NRG3: variants seen among roughly 807,000 people sequenced by gnomAD.
NRG3 encodes the protein neuregulin 3.
A neutral mutation model predicts 66.9 loss-of-function variants in NRG3; 31 were observed. The observed-to-expected ratio is 0.46, with a 90% CI of 0.35 to 0.63. The LOEUF is 0.63. Among genes scored for constraint, NRG3 ranks in the 20% least tolerant of loss-of-function variants. NRG3 has a pLI of 0.00. For missense variants in NRG3, 910 were observed against 878.9 expected (o/e 1.04, Z -0.45); for synonymous variants, 393 against 359.4 (o/e 1.09, Z -1.06).
In NRG3 at chr10:82,712,423, G is replaced by A. The variant is rs1411087353; in HGVS notation, c.954-26154G>A. 3.9e-5 allele frequency among the ~76,000 whole-genome samples: 6 copies of A among 152,246 alleles called. No individual in the cohort carries two copies. The East Asian group carries it at 9.7e-4, about 24-fold the overall frequency. ...TTTCACATTATGTAATAGTTACATA[G>A]GGCTGTGAATCTCAAACCTTCGGGT... On this transcript the variant is annotated intron_variant, in intron 2 of 8. Transcript: ENST00000372141.
intron 6 of NRG3, among the ~76,000 whole-genome samples, chr10:82,962,784 A>T (rs1051240847): frequency 3.9e-5 from 6 of 152,226 alleles, no homozygotes; most frequent in Admixed American, 3.3e-4. Flanking sequence ...GGTTGCAGTG[A>T]CCCGATACCA....
At chr10:82,471,624 T>C (rs573451904) in intron 2 of NRG3, among the ~76,000 whole-genome samples, 3 of 152,092 alleles carry the variant, frequency 2.0e-5, no homozygotes, top group Non-Finnish European at 4.4e-5. Flanking sequence ...GTAATCAAGG[T>C]TTGCGACTGG....
chr10:82,341,057 A>G (rs184960473), intron 1 of NRG3, among the ~76,000 whole-genome samples: 29 of 152,312 alleles, frequency 1.9e-4, no homozygotes, highest in Admixed American at 9.8e-4. Context: ...TGTTGTGATT[A>G]TTATGCATTG....
Position 82,479,123 on chromosome 10 carries a change from C to CAG in NRG3, c.953+120256_953+120257dup, listed in dbSNP as rs151117305. 4.4e-3 allele frequency among the ~76,000 whole-genome samples: 667 copies of CAG among 152,090 alleles called. 5 individuals are homozygous for CAG. Among genetic ancestry groups the CAG allele is most frequent in the African/African-American group, 0.016 (644 of 41,476 alleles). On this transcript the variant is annotated intron_variant, in intron 2 of 8. Coordinates refer to ENST00000372141, the MANE Select transcript of NRG3 (RefSeq NM_001010848.4). ...TTGAAATTAATAGGAGGTGATGTGA[C>CAG]AGTGGAAAAAAATGTAAAAATCAAT...
At chr10:81,909,308 C>T (rs749981036) in intron 1 of NRG3, among the ~76,000 whole-genome samples, 1 of 152,130 alleles carries the variant, frequency 6.6e-6, no homozygotes, top group Non-Finnish European at 1.5e-5. Context: ...ATTTTCATTG[C>T]ATCTGCAAAG....
In NRG3 at chr10:82,446,603, T is replaced by C. The variant is rs145796490; in HGVS notation, c.953+87735T>C. ...TGAACGATGCGAACACATGGACACA[T>C]TGGGGAGAACAACACAGACTGGATC... is the stretch of plus-strand genomic sequence containing the variant. On this transcript the variant is annotated intron_variant, in intron 2 of 8. Transcript: ENST00000372141. Among the ~76,000 whole-genome samples, 586 of 152,090 alleles carry C rather than the reference T, an allele frequency of 3.9e-3. 1 individual carries two copies. Among genetic ancestry groups the C allele is most frequent in the African/African-American group, 0.013 (553 of 41,494 alleles).
intron 2 of NRG3, among the ~76,000 whole-genome samples, chr10:82,408,207 C>G (rs1202774409): frequency 6.6e-6 from 1 of 151,872 alleles, no homozygotes; most frequent in Non-Finnish European, 1.5e-5. Context: ...GATGTTATTA[C>G]AGAAAACAGA....
intron 1 of NRG3, among the ~76,000 whole-genome samples, chr10:82,337,888 GTAA>G (rs1236717214): frequency 6.6e-6 from 1 of 152,042 alleles, no homozygotes; most frequent in Non-Finnish European, 1.5e-5. Context: ...TGAATAATAA[GTAA>G]TATTTTAATC....
At chr10:82,594,979 TTTTA>T (rs148357978) in intron 2 of NRG3, among the ~76,000 whole-genome samples, 2,052 of 152,128 alleles carry the variant, frequency 0.013, 44 homozygotes, top group African/African-American at 0.047. Context: ...TCATTTTCCT[TTTTA>T]TTTATTTATT....
chr10:82,812,197 T>C (rs715687), intron 3 of NRG3, among the ~76,000 whole-genome samples: 63,187 of 152,008 alleles, frequency 0.42, 14,146 homozygotes, highest in African/African-American at 0.6. Flanking sequence ...TAAGATCCTC[T>C]ATTTCTCCCA....
intron 2 of NRG3, among the ~76,000 whole-genome samples, chr10:82,716,121 T>G (rs1036908697): frequency 1.3e-5 from 2 of 152,174 alleles, no homozygotes; most frequent in Non-Finnish European, 2.9e-5. Flanking sequence ...TATTTTGATA[T>G]AAATGCGATT....
intron 1 of NRG3, among the ~76,000 whole-genome samples, chr10:82,070,959 G>T (rs570740343): frequency 6.6e-6 from 1 of 152,084 alleles, no homozygotes; most frequent in Non-Finnish European, 1.5e-5. Flanking sequence ...AGAATACTTG[G>T]ACATGTATGC....
chr10:82,456,728 A>G (rs565672391), intron 2 of NRG3, among the ~76,000 whole-genome samples: 2 of 152,276 alleles, frequency 1.3e-5, no homozygotes, highest in East Asian at 3.9e-4. Context: ...TTGTGACATT[A>G]AAAAAACAAA....
chr10:82,786,138 G>C (rs1360561977), intron 3 of NRG3, among the ~76,000 whole-genome samples: 1 of 152,146 alleles, frequency 6.6e-6, no homozygotes, highest in East Asian at 1.9e-4. Flanking sequence ...ATAATGTTTA[G>C]TGGAGCCATG....
At chr10:82,100,966 C>A (rs944732912) in intron 1 of NRG3, among the ~76,000 whole-genome samples, 1 of 151,892 alleles carries the variant, frequency 6.6e-6, no homozygotes, top group Non-Finnish European at 1.5e-5. Flanking sequence ...GTGAAATGAT[C>A]GAGGTCTGGA....
intron 2 of NRG3, among the ~76,000 whole-genome samples, chr10:82,418,388 T>G (rs1393501994): frequency 1.4e-5 from 2 of 145,742 alleles, no homozygotes; most frequent in Admixed American, 6.7e-5. Context: ...ATTAACCAGT[T>G]TATGCAAATG....
intron 2 of NRG3, among the ~76,000 whole-genome samples, chr10:82,547,419 A>G (rs568224141): frequency 2.0e-5 from 3 of 150,888 alleles, no homozygotes; most frequent in African/African-American, 7.3e-5. Flanking sequence ...ATATACATAC[A>G]TATGTGTGTA....
chr10:82,387,190 A>G (rs903621114), intron 2 of NRG3, among the ~76,000 whole-genome samples: 14 of 152,084 alleles, frequency 9.2e-5, no homozygotes, highest in African/African-American at 3.4e-4. Flanking sequence ...TCTTTTTCTT[A>G]TGGAAAATGG....
At chr10:82,536,318 G>C (rs904616379) in intron 2 of NRG3, among the ~76,000 whole-genome samples, 9 of 152,128 alleles carry the variant, frequency 5.9e-5, no homozygotes, top group Admixed American at 3.3e-4. Context: ...AAGCAAAAAA[G>C]GAAAACAAGA....
Sources: gnomAD v4.1 joint callset for allele counts (sites outside exome capture counted in the v4.1 genomes callset) on GRCh38, gnomAD v4.1.1 for gene constraint, MANE v1.5 for transcripts, NCBI Gene and HGNC (gene_info 2026-07-23, HGNC 2026-07-21) for gene names.